CEP57: variants seen among roughly 807,000 people sequenced by gnomAD.
CEP57 encodes the protein centrosomal protein 57, also known as centrosomal protein of 57 kDa.
Under a neutral mutation model 68.0 loss-of-function variants are expected in CEP57, and 40 were observed. The ratio of observed to expected loss-of-function variants is 0.59; its 90% confidence interval spans 0.46 to 0.77. CEP57 has a LOEUF of 0.77. Ranked by LOEUF, CEP57 falls within the 30% of genes least tolerant of loss-of-function variation. CEP57 has a pLI of 0.00. For synonymous variants in CEP57, 219 were observed against 198.7 expected, an observed-to-expected ratio of 1.10 and a Z score of -0.86; for missense variants, 606 against 580.7, an observed-to-expected ratio of 1.04 and a Z score of -0.45.
intron 1 of CEP57, among the ~76,000 whole-genome samples, chr11:95,792,729 A>G (rs144518145): frequency 6.6e-6 from 1 of 152,204 alleles, no homozygotes; most frequent in South Asian, 2.1e-4. Flanking sequence ...ACCATAACTC[A>G]ATCTGCTACA....
chr11:95,820,393 GT>G (rs1862469060), intron 6 of CEP57, among the ~76,000 whole-genome samples: 1 of 151,882 alleles, frequency 6.6e-6, no homozygotes. Flanking sequence ...GAGGTCAGGA[GT>G]TTGAGCCTGA....
intron 2 of CEP57, among the ~76,000 whole-genome samples, chr11:95,804,249 C>T (rs1204841442): frequency 6.6e-6 from 1 of 152,046 alleles, no homozygotes. Flanking sequence ...TTAGTATAGG[C>T]AAATAGCAGC....
intron 1 of CEP57, among the ~76,000 whole-genome samples, chr11:95,793,184 G>A (rs1308811249): frequency 6.6e-6 from 1 of 152,202 alleles, no homozygotes; most frequent in Non-Finnish European, 1.5e-5. Flanking sequence ...ATAGGTTTCA[G>A]TTAGGTTCTA....
intron 2 of CEP57, among the ~76,000 whole-genome samples, chr11:95,799,676 A>G (rs16922552): frequency 0.065 from 9,889 of 152,130 alleles, 407 homozygotes; most frequent in Middle Eastern, 0.13. Context: ...AATATACCAA[A>G]AGCATACTGT....
At chr11:95,822,849 A>G (rs1862572049) in intron 8 of CEP57, 1 of 443,182 alleles carries the variant, frequency 2.3e-6, no homozygotes, top group Non-Finnish European at 4.2e-6. Flanking sequence ...TGTTTCAGAT[A>G]GGGGTCAAGG....
At position 95,826,782 on chromosome 11, in the gene CEP57, C is replaced by G. The variant is rs532008652; in HGVS notation, c.886-1004C>G. 2.8e-4 allele frequency: 42 copies of G among 152,226 alleles called. No homozygotes were observed. The South Asian group carries it at 8.5e-3, about 31-fold the overall frequency. The allele number at this position is 152,226 out of a possible 1,614,324, so 9.4% of individuals were successfully genotyped here. On this transcript the variant is annotated intron_variant, in intron 8 of 10. Transcript: ENST00000325542. The stretch of plus-strand genomic sequence containing the variant: ...CAATTAGTATGCTAAATATATATTA[C>G]AAGTTACGAGCAAAATAGTGGTTAC...
At position 95,816,254 on chromosome 11, in the gene CEP57, G is replaced by C. The variant is rs368442859; in HGVS notation, c.505-1533G>C. Among the ~76,000 whole-genome samples, 34 of 152,234 alleles carry C rather than the reference G, an allele frequency of 2.2e-4. 1 individual carries two copies. In the East Asian group the frequency reaches 4.1e-3, roughly 18 times the overall value. Reference sequence around the variant, plus strand: ...GGAAAAGCCCCTATTAAAACCATCAGATCTCATGAGAATTCACTATGATGA... The same window carrying C: ...GGAAAAGCCCCTATTAAAACCATCACATCTCATGAGAATTCACTATGATGA... On this transcript the variant is annotated intron_variant, in intron 4 of 10. Coordinates refer to ENST00000325542, the MANE Select transcript of CEP57 (RefSeq NM_014679.5).
intron 4 of CEP57, among the ~76,000 whole-genome samples, chr11:95,815,845 G>T (rs1862275552): frequency 1.3e-5 from 2 of 152,158 alleles, no homozygotes; most frequent in South Asian, 4.1e-4. Flanking sequence ...ATATTGGCTT[G>T]ATATTGTTGA....
chr11:95,811,026 G>A (rs1269259790), intron 2 of CEP57, among the ~76,000 whole-genome samples: 1 of 152,182 alleles, frequency 6.6e-6, no homozygotes, highest in African/African-American at 2.4e-5. Context: ...GAAGACTGTG[G>A]CGATTCCTCA....
rs763144202 is a variant in CEP57 at position 95,813,529 on chromosome 11, A to C, written c.444A>C (p.Glu148Asp). Residue 148 changes from glutamate (E) to aspartate (D), a missense_variant, in exon 4 of 11, where the codon GAA becomes GAC. By Grantham distance (45) the Glu-to-Asp change is conservative (BLOSUM62 2). Transcript: ENST00000325542. ...NKCNLLEKQL[E>D]YMRNMIKHAE... The stretch of plus-strand genomic sequence containing the variant: ...GCAATCTATTAGAAAAACAATTGGA[A>C]TACATGCGAAATATGATAAAGCATG... The C allele has an allele frequency of 9.3e-6, 15 of 1,613,072 alleles. No homozygotes were observed. The highest frequency in any genetic ancestry group is 5.0e-5 in the Admixed American group (3 of 60,016).
intron 6 of CEP57, among the ~76,000 whole-genome samples, chr11:95,821,170 T>C (rs1237607812): frequency 6.6e-6 from 1 of 152,208 alleles, no homozygotes; most frequent in African/African-American, 2.4e-5. Context: ...ATAGGCAGAT[T>C]TGAAACAAAC....
At chr11:95,822,889 G>T in intron 8 of CEP57, 1 of 348,404 alleles carries the variant, frequency 2.9e-6, no homozygotes, top group Non-Finnish European at 5.5e-6. Context: ...TGTAGCATTG[G>T]ATTTTTAGTA....
intron 8 of CEP57, among the ~76,000 whole-genome samples, chr11:95,825,052 G>T (rs1862680622): frequency 6.6e-6 from 1 of 152,144 alleles, no homozygotes; most frequent in Non-Finnish European, 1.5e-5. Context: ...AACACCAAAG[G>T]CATGGAAGTA....
chr11:95,807,513 G>A (rs1462436775), intron 2 of CEP57, among the ~76,000 whole-genome samples: 2 of 152,172 alleles, frequency 1.3e-5, no homozygotes, highest in African/African-American at 2.4e-5. Flanking sequence ...ACAGCGTAGA[G>A]AAGACCTTAA....
intron 4 of CEP57, among the ~76,000 whole-genome samples, chr11:95,817,010 CA>C (rs1190738596): frequency 3.6e-5 from 5 of 139,728 alleles, no homozygotes; most frequent in South Asian, 2.3e-4. Context: ...GACCCCATCT[CA>C]AAAAAAAAAC....
chr11:95,812,923 A>C lies in CEP57; in HGVS notation c.203-9A>C. On this transcript the variant is annotated splice_polypyrimidine_tract_variant and intron_variant, in intron 2 of 10. Transcript: ENST00000325542. ...TTACAGCATCCACGTTTGTGTTTGT[A>C]TTTGGCAGCCATATTTTCTGCTCTT... is the stretch of plus-strand genomic sequence containing the variant. 2 of 1,613,366 alleles carry C rather than the reference A, an allele frequency of 1.2e-6. No individual in the cohort carries two copies. The highest frequency in any genetic ancestry group is 1.7e-6 in the Non-Finnish European group (2 of 1,179,588).
chr11:95,792,286 C>T (rs1421760670), intron 1 of CEP57, among the ~76,000 whole-genome samples: 1 of 152,142 alleles, frequency 6.6e-6, no homozygotes, highest in Non-Finnish European at 1.5e-5. Flanking sequence ...GGGCTTTTCA[C>T]GGCTCTCAAA....
chr11:95,804,444 G>C (rs1861707778), intron 2 of CEP57, among the ~76,000 whole-genome samples: 1 of 152,198 alleles, frequency 6.6e-6, no homozygotes, highest in African/African-American at 2.4e-5. Flanking sequence ...GGGTACAGTA[G>C]CAGAGATGAT....
At position 95,790,559 on chromosome 11, in the gene CEP57, C is replaced by T; in HGVS notation, c.-140C>T. The T allele has an allele frequency of 9.9e-7, 1 of 1,011,018 alleles. No homozygotes were observed. The allele number at this position is 1,011,018 out of a possible 1,614,324, so 62.6% of individuals were successfully genotyped here. A position where few individuals can be genotyped will look rare whatever the true frequency, so the allele number is the denominator to read the frequency against. On this transcript the variant is annotated 5_prime_UTR_variant, in exon 1 of 11. Transcript: ENST00000325542. ...GGGGTGTGTTGCAGGGGTTTCCAAG[C>T]CCAGCACCAGCACCCTTGCCCTTTT...
Sources: gnomAD v4.1 joint callset for allele counts (sites outside exome capture counted in the v4.1 genomes callset) on GRCh38, gnomAD v4.1.1 for gene constraint, MANE v1.5 for transcripts, NCBI Gene and HGNC (gene_info 2026-07-23, HGNC 2026-07-21) for gene names.